Variants in METTL22 observed in about 807,000 individuals in gnomAD.
METTL22 encodes the protein methyltransferase-like protein 22.
Under a neutral mutation model 48.4 loss-of-function variants are expected in METTL22, and 51 were observed. The observed-to-expected ratio is 1.05, with a 90% CI of 0.84 to 1.33. The LOEUF (loss-of-function observed/expected upper bound fraction) is 1.33, where lower values mean the gene tolerates loss of function less well. METTL22 is among the 40% of genes most tolerant of loss of function. The pLI is 0.00. For synonymous variants in METTL22, 255 were observed against 214.1 expected, an observed-to-expected ratio of 1.19 and a Z score of -1.67; for missense variants, 678 against 526.9, an observed-to-expected ratio of 1.29 and a Z score of -2.81.
At position 8,628,875 on chromosome 16, in the gene METTL22, T is replaced by C. The variant is rs34078995; in HGVS notation, c.279T>C (p.His93=). 2.3e-3 allele frequency: 3,726 copies of C among 1,613,664 alleles called. 90 individuals carry two copies. The African/African-American group carries it at 0.045, about 19-fold the overall frequency. Residue 93 remains histidine, a synonymous_variant, in exon 3 of 11, where the codon CAT becomes CAC. Transcript: ENST00000381920. Reference sequence around the variant, plus strand: ...CAGGGTCCCCTCCAGGAAGTGGCCATGGTAATGAGGGTTTCTCCCTCCAGG... The same window carrying C: ...CAGGGTCCCCTCCAGGAAGTGGCCACGGTAATGAGGGTTTCTCCCTCCAGG... ...GSTGSPPGSG[H]GNEGFSLQAG...
chr16:8,629,054 A>G lies in METTL22; in HGVS notation c.458A>G (p.Glu153Gly), dbSNP rs1195217401. The change falls in exon 3 of 11, where the codon GAA becomes GGA. Residue 153 changes from glutamate to glycine, a missense_variant. By Grantham distance (98) the Glu-to-Gly change is moderately conservative. Coordinates refer to ENST00000381920, the MANE Select transcript of METTL22 (RefSeq NM_024109.4). Reference protein sequence around the residue: ...KVHPMILAQEEDDVLGEEAQG... With the variant: ...KVHPMILAQEGDDVLGEEAQG... ...CATCCCATGATTCTAGCACAGGAAG[A>G]AGACGACGTCCTGGGAGAGGAAGCA... The G allele has an allele frequency of 8.7e-6, 14 of 1,613,866 alleles. No homozygotes were observed. The East Asian group carries it at 3.1e-4, about 36-fold the overall frequency.
chr16:8,656,418 C>T, the METTL22 span, among the ~76,000 whole-genome samples: 2 of 152,212 alleles, frequency 1.3e-5, no homozygotes, highest in African/African-American at 2.4e-5. Flanking sequence ...GAGTAGACCT[C>T]AGGCACCAAC....
the METTL22 span, among the ~76,000 whole-genome samples, chr16:8,660,526 C>A: frequency 6.6e-6 from 1 of 151,940 alleles, no homozygotes; most frequent in Admixed American, 6.6e-5. Context: ...CTAGAAGAAT[C>A]CCTGTTTTTC....
At chr16:8,639,616 G>GCCTC in intron 6 of METTL22, 1 of 193,020 alleles carries the variant, frequency 5.2e-6, no homozygotes, top group Admixed American at 5.3e-5. Flanking sequence ...TGCTCTCCTT[G>GCCTC]CCTCCTCCTG....
chr16:8,643,616 T>C (rs913658332), intron 9 of METTL22, among the ~76,000 whole-genome samples: 3 of 150,798 alleles, frequency 2.0e-5, no homozygotes, highest in Non-Finnish European at 3.0e-5. Flanking sequence ...ACAGTTTTGT[T>C]TTTTTTGTTT....
chr16:8,660,815 GA>G, the METTL22 span, among the ~76,000 whole-genome samples: 2 of 6,988 alleles, frequency 2.9e-4, no homozygotes, highest in African/African-American at 5.5e-4. Flanking sequence ...GGAGGAGGAG[GA>G]GGAGGAGGAG....
intron 2 of METTL22, among the ~76,000 whole-genome samples, chr16:8,626,636 A>G (rs1012119552): frequency 4.0e-5 from 6 of 150,582 alleles, no homozygotes; most frequent in African/African-American, 1.5e-4. Flanking sequence ...TTTAGTACAG[A>G]CAGAGTTTCA....
Position 8,644,538 on chromosome 16 carries a change from C to G in METTL22, c.1011-19C>G. On this transcript the variant is annotated intron_variant, in intron 9 of 10. Coordinates refer to ENST00000381920, the MANE Select transcript of METTL22 (RefSeq NM_024109.4). ...CCATTGATGATGGCAGTTTGTGCGT[C>G]CGACTGGCTGGTTTGCAGGCTCAAC... 1 of 1,527,472 alleles carries G rather than the reference C, an allele frequency of 6.5e-7. No individual in the cohort carries two copies. The highest frequency in any genetic ancestry group is 8.8e-7 in the Non-Finnish European group (1 of 1,132,410). The allele number at this position is 1,527,472 out of a possible 1,614,324, so 94.6% of individuals were successfully genotyped here. A position where few individuals can be genotyped will look rare whatever the true frequency, so the allele number is the denominator to read the frequency against.
chr16:8,646,966 C>T lies in METTL22; in HGVS notation c.*823C>T. 3.0e-6 allele frequency: 1 copy of T among 334,946 alleles called. No individual in the cohort carries two copies. Among genetic ancestry groups the T allele is most frequent in the South Asian group, 2.4e-5 (1 of 41,866 alleles). The allele number at this position is 334,946 out of a possible 1,614,324, so 20.7% of individuals were successfully genotyped here. A position where few individuals can be genotyped will look rare whatever the true frequency, so the allele number is the denominator to read the frequency against. On this transcript the variant is annotated 3_prime_UTR_variant, in exon 11 of 11. Transcript: ENST00000381920. ...TCCTCTATGTCCCACTGTCTCTCTCCTTCTCTCCAGTTTTGGTCCCATCTT... is the reference window on the plus strand; with the variant it reads ...TCCTCTATGTCCCACTGTCTCTCTCTTTCTCTCCAGTTTTGGTCCCATCTT...
chr16:8,633,117 G>A (rs563030417), intron 3 of METTL22, among the ~76,000 whole-genome samples: 1 of 152,258 alleles, frequency 6.6e-6, no homozygotes, highest in South Asian at 2.1e-4. Context: ...ACTGGGCAGG[G>A]ACGCTGACAC....
intron 1 of METTL22, among the ~76,000 whole-genome samples, chr16:8,623,125 C>A (rs1053413334): frequency 1.3e-5 from 2 of 151,898 alleles, no homozygotes; most frequent in African/African-American, 4.8e-5. Context: ...ACTAGCCTGG[C>A]CAACATGGCA....
intron 5 of METTL22, among the ~76,000 whole-genome samples, chr16:8,637,056 T>A (rs1234392829): frequency 6.6e-6 from 1 of 152,202 alleles, no homozygotes; most frequent in Non-Finnish European, 1.5e-5. Context: ...ATATACCTGT[T>A]TACAAGAGAG....
intron 1 of METTL22, among the ~76,000 whole-genome samples, chr16:8,623,185 A>G (rs2055914842): frequency 6.6e-6 from 1 of 151,950 alleles, no homozygotes; most frequent in African/African-American, 2.4e-5. Flanking sequence ...ATTGTGGTGC[A>G]TGCCTGTAGT....
chr16:8,665,173 G>A, the METTL22 span, among the ~76,000 whole-genome samples: 79,107 of 152,014 alleles, frequency 0.52, 22,470 homozygotes, highest in East Asian at 0.84. Context: ...AGGCATAGTG[G>A]TGCACATCTG....
downstream of METTL22, among the ~76,000 whole-genome samples, chr16:8,654,443 G>T (rs1258568967): frequency 6.6e-6 from 1 of 152,186 alleles, no homozygotes; most frequent in Non-Finnish European, 1.5e-5. Context: ...ATGAGACTTT[G>T]CCCTTTATGT....
At position 8,642,447 on chromosome 16, in the gene METTL22, T is replaced by G. The variant is rs751947473; in HGVS notation, c.908-16T>G. On this transcript the variant is annotated splice_polypyrimidine_tract_variant and intron_variant, in intron 8 of 10. Coordinates refer to ENST00000381920, the MANE Select transcript of METTL22 (RefSeq NM_024109.4). ...TGCGTGTTTTCCTCTAATGCTGGCCTTTTTGCTTCCCACAGTGTTTTACGA... is the reference window on the plus strand; with the variant it reads ...TGCGTGTTTTCCTCTAATGCTGGCCGTTTTGCTTCCCACAGTGTTTTACGA... The G allele has an allele frequency of 3.1e-6, 5 of 1,612,800 alleles. No homozygotes were observed. Among genetic ancestry groups the G allele is most frequent in the Admixed American group, 1.7e-5 (1 of 60,032 alleles).
chr16:8,621,993 C>A (rs1038850712), intron 1 of METTL22, among the ~76,000 whole-genome samples: 2 of 152,216 alleles, frequency 1.3e-5, no homozygotes, highest in African/African-American at 4.8e-5. Context: ...ACCTCTCCTT[C>A]GGTTCTAGAT....
At chr16:8,657,820 C>CTTTTTTTTTT in the METTL22 span, among the ~76,000 whole-genome samples, 1,300 of 137,242 alleles carry the variant, frequency 9.5e-3, 59 homozygotes, top group African/African-American at 0.035. Flanking sequence ...CTTTTCTTTT[C>CTTTTTTTTTT]TTTCTTTTTT....
chr16:8,638,811 C>T (rs888369252), intron 5 of METTL22, among the ~76,000 whole-genome samples: 23 of 152,222 alleles, frequency 1.5e-4, no homozygotes, highest in African/African-American at 4.3e-4. Context: ...GAAGTGCACG[C>T]GTGTTGCATG....
Sources: allele counts gnomAD v4.1 joint callset (sites outside exome capture counted in the v4.1 genomes callset), GRCh38; gene constraint gnomAD v4.1.1; transcripts MANE v1.5; gene names NCBI Gene and HGNC (gene_info 2026-07-23, HGNC 2026-07-21).